The following CFAP70 variants were observed in gnomAD, a reference collection of about 807,000 sequenced individuals.
CFAP70 encodes the protein cilia and flagella associated protein 70.
A neutral mutation model predicts 137.6 loss-of-function variants in CFAP70; 81 were observed. That is an observed-to-expected ratio of 0.59 (90% CI 0.49 to 0.71). CFAP70 has a LOEUF of 0.71. CFAP70 is among the 30% of genes least tolerant of loss of function. The probability of loss-of-function intolerance (pLI) is 0.00; values close to 1 mark genes in which losing one functional copy is unlikely to be tolerated. For missense variants in CFAP70, 976 were observed against 1,226.7 expected (o/e 0.80, Z 3.05); for synonymous variants, 382 against 423.6 (o/e 0.90, Z 1.20).
intron 12 of CFAP70, among the ~76,000 whole-genome samples, chr10:73,305,141 T>C (rs1333512131): frequency 6.6e-6 from 1 of 152,234 alleles, no homozygotes. Context: ...TTGTTCTAGC[T>C]TGTCTGGGAC....
At chr10:73,331,867 T>C (rs1447698834) in intron 7 of CFAP70, among the ~76,000 whole-genome samples, 1 of 152,240 alleles carries the variant, frequency 6.6e-6, no homozygotes. Flanking sequence ...CTTCTAGTGA[T>C]TTATTCTAAA....
chr10:73,271,869 T>G (rs1314135783), intron 24 of CFAP70, among the ~76,000 whole-genome samples: 1 of 152,076 alleles, frequency 6.6e-6, no homozygotes, highest in Non-Finnish European at 1.5e-5. Context: ...CTGGTTAATT[T>G]TTAATGTTTT....
intron 8 of CFAP70, 97 bp from the exon 10 acceptor site, chr10:73,323,194 C>T (rs41280392): frequency 0.011 from 13,273 of 1,167,812 alleles, 110 homozygotes; most frequent in Non-Finnish European, 0.013. Context: ...GTTTTAGAAA[C>T]TAACTCAACT....
chr10:73,351,071 GTATATATATATATATATATATA>G (rs1158760266), intron 3 of CFAP70, among the ~76,000 whole-genome samples: 96 of 31,378 alleles, frequency 3.1e-3, no homozygotes, highest in Middle Eastern at 0.026. Flanking sequence ...GTGTGTGTGT[GTATATATATATATATATATATA>G]TATATATATA....
At chr10:73,263,638 A>G (rs911322843) in intron 25 of CFAP70, among the ~76,000 whole-genome samples, 1 of 152,232 alleles carries the variant, frequency 6.6e-6, no homozygotes, top group African/African-American at 2.4e-5. Context: ...CCATATCAGG[A>G]AGCACAAGCT....
rs1699827342 is a variant in CFAP70 at position 73,299,106 on chromosome 10, G to A, written c.1318-5C>T. 6.2e-7 allele frequency: 1 copy of A among 1,601,496 alleles called. No homozygotes were observed. The highest frequency in any genetic ancestry group is 1.7e-5 in the Admixed American group (1 of 57,642). On this transcript the variant is annotated splice_region_variant and splice_polypyrimidine_tract_variant and intron_variant, in intron 13 of 26. Coordinates refer to ENST00000310715, the Ensembl canonical transcript of CFAP70. Reference sequence around the variant, plus strand: ...TATGTGGTAGTCACTCACTGCCTAAGAAAATACAAAACATCTGGTAGACGC... The same window carrying A: ...TATGTGGTAGTCACTCACTGCCTAAAAAAATACAAAACATCTGGTAGACGC...
At chr10:73,329,251 A>G (rs1393031591) in intron 8 of CFAP70, among the ~76,000 whole-genome samples, 2 of 152,174 alleles carry the variant, frequency 1.3e-5, no homozygotes, top group East Asian at 3.9e-4. Context: ...CAAAAAACCA[A>G]ACACCGCATG....
At chr10:73,332,609 A>G (rs551387224) in intron 7 of CFAP70, among the ~76,000 whole-genome samples, 6 of 152,330 alleles carry the variant, frequency 3.9e-5, no homozygotes, top group African/African-American at 1.2e-4. Flanking sequence ...ATTTGCCACC[A>G]CATCAACAGA....
intron 9 of CFAP70, among the ~76,000 whole-genome samples, chr10:73,316,283 C>A (rs567520885): frequency 6.6e-6 from 1 of 151,556 alleles, no homozygotes; most frequent in East Asian, 1.9e-4. Flanking sequence ...TTAATAATTT[C>A]TATCCTTTTA....
chr10:73,312,604 G>T (rs1285025860), exon 10 of CFAP70: 1 of 1,605,448 alleles, frequency 6.2e-7, no homozygotes, highest in Admixed American at 1.7e-5. Context: ...TGAATCAAGT[G>T]ATGGCCAATA....
intron 22 of CFAP70, chr10:73,274,906 T>G (rs759879154): frequency 4.0e-5 from 10 of 247,412 alleles, no homozygotes; most frequent in Non-Finnish European, 6.8e-5. Flanking sequence ...ATAAGAAATC[T>G]AGAAAAATTG....
chr10:73,340,909 G>C (rs2053191832), intron 6 of CFAP70, among the ~76,000 whole-genome samples: 1 of 152,198 alleles, frequency 6.6e-6, no homozygotes, highest in South Asian at 2.1e-4. Flanking sequence ...ATGCAGCTGT[G>C]GTTGGGCAGC....
chr10:73,280,096 G>A (rs756120612), intron 19 of CFAP70, among the ~76,000 whole-genome samples: 2 of 152,086 alleles, frequency 1.3e-5, no homozygotes, highest in Admixed American at 6.5e-5. Flanking sequence ...ATTTTCAAAT[G>A]TGAAACTGAT....
chr10:73,326,844 A>G (rs984808745), intron 8 of CFAP70, among the ~76,000 whole-genome samples: 11 of 152,086 alleles, frequency 7.2e-5, no homozygotes, highest in Non-Finnish European at 1.5e-4. Context: ...GGCAATAATC[A>G]ATAGCTTACC....
chr10:73,345,806 C>A (rs926497282), intron 4 of CFAP70, among the ~76,000 whole-genome samples: 2 of 151,920 alleles, frequency 1.3e-5, no homozygotes, highest in Non-Finnish European at 1.5e-5. Flanking sequence ...TCAAAAAAAA[C>A]AAAAGAAATG....
At chr10:73,303,084 A>G (rs2049090659) in intron 12 of CFAP70, among the ~76,000 whole-genome samples, 3 of 151,972 alleles carry the variant, frequency 2.0e-5, no homozygotes, top group African/African-American at 4.8e-5. Flanking sequence ...TTTAATAGAG[A>G]TGAGGTCTTG....
At chr10:73,343,533 A>AC (rs1211220059) in intron 5 of CFAP70, among the ~76,000 whole-genome samples, 1 of 151,966 alleles carries the variant, frequency 6.6e-6, no homozygotes, top group African/African-American at 2.4e-5. Context: ...ACATGGTGAA[A>AC]CCCCCTCTCT....
chr10:73,312,646 GAAAAACAA>G lies in CFAP70; in HGVS notation c.913-11_913-4del. On this transcript the variant is annotated splice_region_variant and splice_polypyrimidine_tract_variant and intron_variant, in intron 9 of 26. Coordinates refer to ENST00000310715, the Ensembl canonical transcript of CFAP70. Reference sequence around the variant, plus strand: ...AACAAGCTCAATAAACATTTGGTCTGAAAAACAAAAAAACAAACAAAAAAAAGCAATAC... The same window carrying G: ...AACAAGCTCAATAAACATTTGGTCTGAAAAACAAACAAAAAAAAGCAATAC... The G allele has an allele frequency of 6.6e-7, 1 of 1,521,556 alleles. No individual in the cohort carries two copies. 94.3% of individuals were successfully genotyped at this position (1,521,556 alleles called of 1,614,324 possible).
intron 7 of CFAP70, among the ~76,000 whole-genome samples, chr10:73,333,941 T>G (rs570981212): frequency 3.3e-4 from 50 of 152,266 alleles, no homozygotes; most frequent in African/African-American, 1.2e-3. Context: ...TATTAGCAAA[T>G]CAAAGCTAAC....
Sources: allele counts gnomAD v4.1 joint callset (sites outside exome capture counted in the v4.1 genomes callset), GRCh38; gene constraint gnomAD v4.1.1; transcripts MANE v1.5; gene names NCBI Gene and HGNC (gene_info 2026-07-23, HGNC 2026-07-21).